PCDHGB2: variants seen among roughly 807,000 people sequenced by gnomAD.
PCDHGB2 encodes protocadherin gamma subfamily B, 2, also known as protocadherin gamma-B2.
Under a neutral mutation model 59.3 loss-of-function variants are expected in PCDHGB2, and 55 were observed. The observed-to-expected ratio is 0.93, with a 90% confidence interval of 0.75 to 1.16. The LOEUF (loss-of-function observed/expected upper bound fraction) is 1.16. Among genes scored for constraint, PCDHGB2 ranks in the 50% most tolerant of loss-of-function variants. The probability of loss-of-function intolerance (pLI) is 0.00; values close to 1 mark genes in which losing one functional copy is unlikely to be tolerated. For synonymous variants in PCDHGB2, 516 were observed against 512.0 expected, an observed-to-expected ratio of 1.01 and a Z score of -0.11; for missense variants, 1,228 against 1,198.5, an observed-to-expected ratio of 1.02 and a Z score of -0.36.
chr5:141,395,022 G>T, intron 1 of PCDHGB2: 1 of 1,614,128 alleles, frequency 6.2e-7, no homozygotes, highest in Non-Finnish European at 8.5e-7. Context: ...AGGCGTGCCT[G>T]CCTCACATTT....
intron 1 of PCDHGB2, chr5:141,388,701 G>A: frequency 1.9e-6 from 3 of 1,613,986 alleles, no homozygotes; most frequent in South Asian, 1.1e-5. Context: ...GGATGAGGGT[G>A]TCAATGCCGA....
At chr5:141,420,256 TAAG>T (rs749213635) in intron 1 of PCDHGB2, 12 of 1,569,010 alleles carry the variant, frequency 7.6e-6, no homozygotes, top group South Asian at 1.2e-5. Context: ...TTGAAGCAGA[TAAG>T]AAGATTCTTA....
In PCDHGB2 at chr5:141,385,264, G is replaced by C. The variant is rs879420336; in HGVS notation, c.2421+22708G>C. 3 of 1,613,712 alleles carry C rather than the reference G, an allele frequency of 1.9e-6. No individual in the cohort carries two copies. In the African/African-American group the frequency reaches 4.0e-5, roughly 22 times the overall value. The stretch of plus-strand genomic sequence containing the variant: ...CAGCCAGGAGAGCTGTGAGAAAAAT[G>C]ATTCTTTGCTAACATCCGTAGATTT... On this transcript the variant is annotated intron_variant, in intron 1 of 3. Transcript: ENST00000522605.
Position 141,477,140 on chromosome 5 carries a change from G to GT in PCDHGB2, c.2422-17665dup. ...AGCACATTGCAAAGTGTTGGTGGAG[G>GT]TTGTGGATGTGAATGACAACGCCCC... On this transcript the variant is annotated intron_variant, in intron 1 of 3. Transcript: ENST00000522605. The surrounding 1 kb of genome is among the most constrained non-coding windows in gnomAD (Gnocchi z 4.9). 1 of 1,614,220 alleles carries GT rather than the reference G, an allele frequency of 6.2e-7. No homozygotes were observed. Among genetic ancestry groups the GT allele is most frequent in the Non-Finnish European group, 8.5e-7 (1 of 1,180,048 alleles).
intron 1 of PCDHGB2, chr5:141,394,762 G>A: frequency 6.2e-7 from 1 of 1,613,396 alleles, no homozygotes; most frequent in Non-Finnish European, 8.5e-7. Flanking sequence ...CAGGACCATG[G>A]CCAGCCCCCT....
At chr5:141,375,035 G>A (rs541605714) in intron 1 of PCDHGB2, 1 of 1,614,008 alleles carries the variant, frequency 6.2e-7, no homozygotes, top group East Asian at 2.2e-5. Flanking sequence ...TTATGAGCTG[G>A]GTGTTGAAGC....
At chr5:141,441,615 G>A in intron 1 of PCDHGB2, 1 of 219,248 alleles carries the variant, frequency 4.6e-6, no homozygotes, top group Non-Finnish European at 9.2e-6. Context: ...TTCCATCGTG[G>A]CCAGTGACCT....
chr5:141,439,716 C>T (rs2098127719), intron 1 of PCDHGB2: 1 of 152,476 alleles, frequency 6.6e-6, no homozygotes, highest in Non-Finnish European at 1.5e-5. Flanking sequence ...CCTAGTTCTA[C>T]AAATTATAAG....
chr5:141,451,095 T>G (rs1158753327), intron 1 of PCDHGB2, among the ~76,000 whole-genome samples: 2 of 152,180 alleles, frequency 1.3e-5, no homozygotes, highest in African/African-American at 4.8e-5. Context: ...CCCAAAGTGT[T>G]GGGATTACAG....
chr5:141,415,350 G>C, intron 1 of PCDHGB2: 1 of 1,614,228 alleles, frequency 6.2e-7, no homozygotes, highest in Non-Finnish European at 8.5e-7. Context: ...GCTGGCACAA[G>C]TCACGCCTGC....
chr5:141,470,837 G>A (rs932315417), intron 1 of PCDHGB2, among the ~76,000 whole-genome samples: 4 of 151,948 alleles, frequency 2.6e-5, no homozygotes, highest in Non-Finnish European at 4.4e-5. Flanking sequence ...ACAAACACAC[G>A]CCACCATGCT....
chr5:141,437,385 C>T (rs543945898), intron 1 of PCDHGB2, among the ~76,000 whole-genome samples: 12 of 152,202 alleles, frequency 7.9e-5, no homozygotes, highest in Non-Finnish European at 1.6e-4. Flanking sequence ...AGAAGACATT[C>T]ATCCACTGCT....
chr5:141,371,360 G>A (rs1337014125), intron 1 of PCDHGB2: 2 of 1,613,842 alleles, frequency 1.2e-6, no homozygotes, highest in Admixed American at 1.7e-5. Context: ...TGGAAGCAAA[G>A]GATGGTGGAC....
rs540403118 is a variant in PCDHGB2, at chr5:141,365,112, T to C, written c.2421+2556T>C. The C allele has an allele frequency of 6.2e-6, 10 of 1,613,770 alleles. No individual in the cohort carries two copies. The highest frequency in any genetic ancestry group is 7.6e-6 in the Non-Finnish European group (9 of 1,179,884). On this transcript the variant is annotated intron_variant, in intron 1 of 3. Coordinates refer to ENST00000522605, the MANE Select transcript of PCDHGB2 (RefSeq NM_018923.3). ...GAGAACATACCTGTGGGCACTCGGC[T>C]GCTCATGCTAACCGCCACGGATCCA...
chr5:141,369,151 T>C (rs1013865524), intron 1 of PCDHGB2, among the ~76,000 whole-genome samples: 6 of 152,206 alleles, frequency 3.9e-5, no homozygotes, highest in African/African-American at 1.4e-4. Context: ...GGCATGTTAT[T>C]GACCAGGGAA....
At chr5:141,374,753 A>C in intron 1 of PCDHGB2, 1 of 1,612,912 alleles carries the variant, frequency 6.2e-7, no homozygotes, top group Admixed American at 1.7e-5. Context: ...TGTCCGCTCA[A>C]GCGTCGCCCA....
At chr5:141,409,067 A>G (rs2095219315) in intron 1 of PCDHGB2, 2 of 1,614,034 alleles carry the variant, frequency 1.2e-6, no homozygotes, top group South Asian at 2.2e-5. Context: ...CCAGAGCACA[A>G]AACATATGTT....
intron 1 of PCDHGB2, chr5:141,426,438 G>A (rs567163831): frequency 4.7e-5 from 14 of 300,110 alleles, no homozygotes; most frequent in Admixed American, 1.7e-4. Context: ...GGAACCTTGC[G>A]GAGGACATGC....
intron 1 of PCDHGB2, chr5:141,420,939 C>A: frequency 2.6e-6 from 1 of 387,512 alleles, no homozygotes; most frequent in South Asian, 5.2e-5. Context: ...GTAATCATTT[C>A]TTCTGGAATT....
Sources: gnomAD v4.1 joint callset for allele counts (sites outside exome capture counted in the v4.1 genomes callset) on GRCh38, gnomAD v4.1.1 for gene constraint, Gnocchi (gnomAD v3.1) non-coding constraint, MANE v1.5 for transcripts, NCBI Gene and HGNC (gene_info 2026-07-23, HGNC 2026-07-21) for gene names.